The following PRRC2A variants were observed in gnomAD, a reference collection of about 807,000 sequenced individuals.
The protein encoded by PRRC2A is proline rich coiled-coil 2A.
PRRC2A carries 59 observed loss-of-function variants against 224.6 expected under a neutral mutation model. That is an observed-to-expected ratio of 0.26 (90% CI 0.21 to 0.33). The LOEUF (loss-of-function observed/expected upper bound fraction) is 0.33, where lower values mean the gene tolerates loss of function less well. PRRC2A is among the 10% of genes least tolerant of loss of function. The pLI is 1.00. For synonymous variants in PRRC2A, 1,194 were observed against 1,109.5 expected, an observed-to-expected ratio of 1.08 and a Z score of -1.51; for missense variants, 3,095 against 2,880.7, an observed-to-expected ratio of 1.07 and a Z score of -1.70.
rs1454788897 is a variant in PRRC2A at position 31,631,360 on chromosome 6, C to A, written c.2687C>A (p.Pro896Gln). ...PKEETAQLTGPEAGRKPARGV... is the reference protein window; with the variant it reads ...PKEETAQLTGQEAGRKPARGV... Reference sequence around the variant, plus strand: ...GAGGAGACTGCACAGCTGACGGGGCCAGAAGCAGGCCGAAAGCCTGCCCGC... The same window carrying A: ...GAGGAGACTGCACAGCTGACGGGGCAAGAAGCAGGCCGAAAGCCTGCCCGC... Residue 896 changes from proline to glutamine, a missense_variant, in exon 16 of 31, where the codon CCA becomes CAA. This residue lies in a region of PRRC2A where 2,001 missense variants were observed against 1,764.9 expected (regional missense o/e 1.13). Coordinates refer to ENST00000376033, the MANE Select transcript of PRRC2A (RefSeq NM_004638.4). This position sits in a 1 kb window ranked among gnomAD's most constrained non-coding sequence, Gnocchi z 4.5. 6.2e-7 allele frequency: 1 copy of A among 1,602,604 alleles called. No individual in the cohort carries two copies. Among genetic ancestry groups the A allele is most frequent in the Non-Finnish European group, 8.5e-7 (1 of 1,175,896 alleles).
rs775109754 is a variant in PRRC2A, at chr6:31,636,224, C to T, written c.5640C>T (p.Tyr1880=). ...SLHPYRSQPL[Y]LPPGPAPPSA... is the part of the protein sequence containing the mutation. ...TTATTTTCAGATCACAGCCCCTATACCTACCCCCCGGCCCAGCCCCTCCCT... is the reference window on the plus strand; with the variant it reads ...TTATTTTCAGATCACAGCCCCTATATCTACCCCCCGGCCCAGCCCCTCCCT... The change falls in exon 26 of 31, where the codon TAC becomes TAT. Residue 1880 remains tyrosine, a synonymous_variant. Coordinates refer to ENST00000376033, the MANE Select transcript of PRRC2A (RefSeq NM_004638.4). This position sits in a 1 kb window ranked among gnomAD's most constrained non-coding sequence, Gnocchi z 4.3. 1.9e-6 allele frequency: 3 copies of T among 1,612,724 alleles called. No homozygotes were observed. In the South Asian group the frequency reaches 3.3e-5, roughly 18 times the overall value.
At position 31,621,085 on chromosome 6, in the gene PRRC2A, C is replaced by T. The variant is rs768917513; in HGVS notation, c.-101+227C>T. The stretch of plus-strand genomic sequence containing the variant: ...TTCATTCAGGATCCGTAGTCTGCCC[C>T]TAACCACCCACCGTCTTGGCTTCAG... On this transcript the variant is annotated intron_variant, in intron 1 of 30. Coordinates refer to ENST00000376033, the MANE Select transcript of PRRC2A (RefSeq NM_004638.4). Among the ~76,000 whole-genome samples the T allele has an allele frequency of 6.6e-5, 10 of 152,348 alleles. No homozygotes were observed. The South Asian group carries it at 1.2e-3, about 19-fold the overall frequency.
Position 31,627,185 on chromosome 6 carries a change from C to T in PRRC2A, c.1277C>T (p.Pro426Leu), listed in dbSNP as rs751627583. 9.3e-6 allele frequency: 15 copies of T among 1,605,380 alleles called. No homozygotes were observed. The highest frequency in any genetic ancestry group is 7.7e-6 in the Non-Finnish European group (9 of 1,173,232). Residue 426 changes from proline to leucine, a missense_variant, in exon 11 of 31, where the codon CCT (proline) becomes CTT (leucine). Physicochemically the swap from Pro to Leu is moderately conservative, Grantham distance 98. Transcript: ENST00000376033. The surrounding 1 kb of genome is among the most constrained non-coding windows in gnomAD (Gnocchi z 5.6). The stretch of plus-strand genomic sequence containing the variant: ...GGCCCCGCCGGGAACTGGGGCCCCC[C>T]TGGGGACTACCCAGTGAGTGTCTCC... ...HRGPAGNWGP[P>L]GDYPDRGGPP...
Position 31,633,915 on chromosome 6 carries a change from G to T in PRRC2A, c.4645G>T (p.Asp1549Tyr). ...GAGAGGGGTGGGTGGGACTCCTCGG[G>T]ACTCTGCCGGGGTTAGTCCCTTTCC... ...MVRGVGGTPR[D>Y]SAGVSPFPPK... The change falls in exon 18 of 31, where the codon GAC becomes TAC. Residue 1549 changes from aspartate (D) to tyrosine (Y), a missense_variant. This residue lies in a region of PRRC2A where 2,001 missense variants were observed against 1,764.9 expected (regional missense o/e 1.13). Coordinates refer to ENST00000376033, the MANE Select transcript of PRRC2A (RefSeq NM_004638.4). 6.3e-7 allele frequency: 1 copy of T among 1,585,822 alleles called. No homozygotes were observed. The highest frequency in any genetic ancestry group is 8.5e-7 in the Non-Finnish European group (1 of 1,173,320).
Position 31,622,831 on chromosome 6 carries a change from A to G in PRRC2A, c.42A>G (p.Gly14=), listed in dbSNP as rs1775446581. 4 of 1,614,022 alleles carry G rather than the reference A, an allele frequency of 2.5e-6. No homozygotes were observed. The highest frequency in any genetic ancestry group is 3.4e-6 in the Non-Finnish European group (4 of 1,180,000). Residue 14 remains glycine, a synonymous_variant, in exon 2 of 31, where the codon GGA becomes GGG. Transcript: ENST00000376033. ...RSGPTAKGKD[G]KKYSSLNLFD... Reference sequence around the variant, plus strand: ...GGCCGACTGCCAAGGGAAAGGATGGAAAGAAGTATTCCTCGCTCAACCTGT... The same window carrying G: ...GGCCGACTGCCAAGGGAAAGGATGGGAAGAAGTATTCCTCGCTCAACCTGT...
At chr6:31,626,701 A>G in intron 9 of PRRC2A, 71 bp from the exon 10 acceptor site, 2 of 1,353,030 alleles carry the variant, frequency 1.5e-6, no homozygotes, top group South Asian at 1.3e-5. Context: ...ATCTTGTTAC[A>G]TAGTTCCAGA....
Position 31,636,337 on chromosome 6 carries a change from G to A in PRRC2A, c.5753G>A (p.Gly1918Glu). ...ACAGAGCTGGGGAAGTTGCCGGCTG[G>A]AGGAGTTCTCTACCCTCCACCTTCC... ...QATELGKLPA[G>E]GVLYPPPSFL... is the part of the protein sequence containing the mutation. Residue 1918 changes from glycine (G) to glutamate (E), a missense_variant, in exon 26 of 31, where the codon GGA (glycine) becomes GAA (glutamate). By Grantham distance (98) the Gly-to-Glu change is moderately conservative. Around this residue, in one of 8 missense-constraint regions of PRRC2A, gnomAD observed 662 missense variants for 609.5 expected, o/e 1.09. Transcript: ENST00000376033. This position sits in a 1 kb window ranked among gnomAD's most constrained non-coding sequence, Gnocchi z 4.3. 1.2e-6 allele frequency: 2 copies of A among 1,612,988 alleles called. No individual in the cohort carries two copies. Among genetic ancestry groups the A allele is most frequent in the Non-Finnish European group, 1.7e-6 (2 of 1,180,008 alleles).
Position 31,635,960 on chromosome 6 carries a change from C to T in PRRC2A, c.5542-7C>T. The T allele has an allele frequency of 6.2e-7, 1 of 1,606,664 alleles. No homozygotes were observed. The highest frequency in any genetic ancestry group is 8.5e-7 in the Non-Finnish European group (1 of 1,174,542). ...AAAGCTGTTTCAACCGTGCTCCTCT[C>T]CTGCAGATCTCTGGGGGAGCCATGG... is the stretch of plus-strand genomic sequence containing the variant. On this transcript the variant is annotated splice_region_variant and splice_polypyrimidine_tract_variant and intron_variant, in intron 24 of 30. Transcript: ENST00000376033.
rs1352858241 is a variant in PRRC2A at position 31,628,228 on chromosome 6, A to G, written c.1754A>G (p.Glu585Gly). ...AGTAGCACCAGCAGTGGCAGCTTCGAAGCCAGCCCAGGTATGGAGATGGGG... is the reference window on the plus strand; with the variant it reads ...AGTAGCACCAGCAGTGGCAGCTTCGGAGCCAGCCCAGGTATGGAGATGGGG... Reference protein sequence around the residue: ...STSSTSSGSFEASPVEPQLPS... With the variant: ...STSSTSSGSFGASPVEPQLPS... The change falls in exon 12 of 31, where the codon GAA becomes GGA. Residue 585 changes from glutamate (E) to glycine (G), a missense_variant. By Grantham distance (98) the Glu-to-Gly change is moderately conservative. Coordinates refer to ENST00000376033, the MANE Select transcript of PRRC2A (RefSeq NM_004638.4). 3 of 1,610,304 alleles carry G rather than the reference A, an allele frequency of 1.9e-6. No homozygotes were observed. In the East Asian group the frequency reaches 6.7e-5, roughly 36 times the overall value.
At position 31,629,269 on chromosome 6, in the gene PRRC2A, A is replaced by C; in HGVS notation, c.1891A>C (p.Ser631Arg). 1 of 1,608,102 alleles carries C rather than the reference A, an allele frequency of 6.2e-7. No homozygotes were observed. The highest frequency in any genetic ancestry group is 1.3e-5 in the African/African-American group (1 of 74,796). ...DGIGPTRQPPSQGLGYPKYQK... is the reference protein window; with the variant it reads ...DGIGPTRQPPRQGLGYPKYQK... ...GATTGGTCCCACCCGCCAGCCCCCT[A>C]GTCAGGGCTTGGGCTACCCCAAATA... is the stretch of plus-strand genomic sequence containing the variant. Residue 631 changes from serine to arginine, a missense_variant, in exon 13 of 31, where the codon AGT becomes CGT. By Grantham distance (110) the Ser-to-Arg change is moderately radical (BLOSUM62 -1). Coordinates refer to ENST00000376033, the MANE Select transcript of PRRC2A (RefSeq NM_004638.4).
intron 12 of PRRC2A, chr6:31,628,845 A>C (rs1776209583): frequency 5.3e-6 from 2 of 377,684 alleles, no homozygotes; most frequent in Non-Finnish European, 9.5e-6. Context: ...TGTCTCAAAA[A>C]AAAATCCTGT....
Position 31,636,492 on chromosome 6 carries a change from C to T in PRRC2A, c.5836-18C>T. The stretch of plus-strand genomic sequence containing the variant: ...TGATTTTGTGGGGGTTGATATATTT[C>T]TCCCTGTTTCCCGACAGGTACGCCA... On this transcript the variant is annotated intron_variant, in intron 26 of 30. Transcript: ENST00000376033. The surrounding 1 kb of genome is among the most constrained non-coding windows in gnomAD (Gnocchi z 4.3). 3 of 1,608,848 alleles carry T rather than the reference C, an allele frequency of 1.9e-6. No individual in the cohort carries two copies. The highest frequency in any genetic ancestry group is 1.3e-5 in the African/African-American group (1 of 74,758).
In PRRC2A at chr6:31,625,366, G is replaced by A. The variant is rs1463120233; in HGVS notation, c.607+52G>A. 1 of 1,614,064 alleles carries A rather than the reference G, an allele frequency of 6.2e-7. No homozygotes were observed. The highest frequency in any genetic ancestry group is 8.5e-7 in the Non-Finnish European group (1 of 1,179,904). The stretch of plus-strand genomic sequence containing the variant: ...ATTACCTATTGCATCTCAGAGCTAG[G>A]TGCTGGCTTATTCACCTTCCTCCCC... On this transcript the variant is annotated intron_variant, in intron 6 of 30. Transcript: ENST00000376033. This position sits in a 1 kb window ranked among gnomAD's most constrained non-coding sequence, Gnocchi z 4.1.
At position 31,626,877 on chromosome 6, in the gene PRRC2A, T is replaced by A; in HGVS notation, c.1073+15T>A. The A allele has an allele frequency of 6.2e-7, 1 of 1,612,202 alleles. No homozygotes were observed. The highest frequency in any genetic ancestry group is 8.5e-7 in the Non-Finnish European group (1 of 1,179,210). The stretch of plus-strand genomic sequence containing the variant: ...GCTGAGGGCCAGTGAGTTAGGGCCA[T>A]CAGGGGAGAAGAGGAGGGGGTCTTG... On this transcript the variant is annotated intron_variant, in intron 10 of 30. Coordinates refer to ENST00000376033, the MANE Select transcript of PRRC2A (RefSeq NM_004638.4).
In PRRC2A at chr6:31,631,882, CA is replaced by C. The variant is rs776263875; in HGVS notation, c.3210del (p.Gly1072AspfsTer138). 1.2e-6 allele frequency: 2 copies of C among 1,610,908 alleles called. No homozygotes were observed. The highest frequency in any genetic ancestry group is 8.5e-7 in the Non-Finnish European group (1 of 1,179,192). On this transcript the variant is annotated frameshift_variant, in exon 16 of 31. Transcript: ENST00000376033. LOFTEE classifies it high-confidence loss of function. The surrounding 1 kb of genome is among the most constrained non-coding windows in gnomAD (Gnocchi z 4.5). ...GGAGATGATGGGCGTGGAGGTGGGA[CA>C]GGGGGACCAAACCACCCTCCTGCTC... Reference protein sequence around the residue: ...FRGDDGRGGGTGGPNHPPAPR... With the variant: ...FRGDDGRGGGXGGPNHPPAPR...
In PRRC2A at chr6:31,629,664, A is replaced by G; in HGVS notation, c.2073A>G (p.Pro691=). ...PPQPVTLGAV[P]APQAPPPPPK... ...AGCCTGTGACCCTGGGGGCTGTGCCAGCTCCACAGGCTCCACCCCCGCCCC... is the reference window on the plus strand; with the variant it reads ...AGCCTGTGACCCTGGGGGCTGTGCCGGCTCCACAGGCTCCACCCCCGCCCC... The change falls in exon 14 of 31, where the codon CCA becomes CCG. Residue 691 remains proline, a synonymous_variant. Transcript: ENST00000376033. 1 of 1,607,604 alleles carries G rather than the reference A, an allele frequency of 6.2e-7. No homozygotes were observed. The highest frequency in any genetic ancestry group is 1.7e-5 in the Admixed American group (1 of 59,704).
chr6:31,636,138 A>T lies in PRRC2A; in HGVS notation c.5625-71A>T. ...GAAGACACAGTTCTAGGGTACTAGA[A>T]GCTAGTGGACTTAAGGCATTGCTAG... On this transcript the variant is annotated intron_variant, in intron 25 of 30. Transcript: ENST00000376033. The surrounding 1 kb of genome is among the most constrained non-coding windows in gnomAD (Gnocchi z 4.3). 6.4e-7 allele frequency: 1 copy of T among 1,563,994 alleles called. No individual in the cohort carries two copies. Among genetic ancestry groups the T allele is most frequent in the Non-Finnish European group, 8.8e-7 (1 of 1,134,946 alleles).
chr6:31,631,544 A>T lies in PRRC2A; in HGVS notation c.2871A>T (p.Pro957=). 6.3e-7 allele frequency: 1 copy of T among 1,593,320 alleles called. No individual in the cohort carries two copies. The highest frequency in any genetic ancestry group is 1.1e-5 in the South Asian group (1 of 88,560). Residue 957 remains proline, a synonymous_variant, in exon 16 of 31, where the codon CCA becomes CCT. Transcript: ENST00000376033. This position sits in a 1 kb window ranked among gnomAD's most constrained non-coding sequence, Gnocchi z 4.5. ...RRAGPIKKPP[P]PTKVEELPPK... ...CTGGGCCTATAAAGAAACCTCCACC[A>T]CCTACAAAAGTAGAAGAGCTGCCTC...
Position 31,628,169 on chromosome 6 carries a change from G to C in PRRC2A, c.1695G>C (p.Ala565=). ...AQSTPTPGVA[A]APTLVSGGGS... ...CTACTCCTACTCCAGGTGTGGCTGC[G>C]GCTCCCACTCTGGTGAGTGGTGGTG... Residue 565 remains alanine (A), a synonymous_variant, in exon 12 of 31, where the codon GCG becomes GCC. Transcript: ENST00000376033. 6.2e-7 allele frequency: 1 copy of C among 1,613,048 alleles called. No individual in the cohort carries two copies. The highest frequency in any genetic ancestry group is 8.5e-7 in the Non-Finnish European group (1 of 1,180,022).
Sources: allele counts gnomAD v4.1 joint callset (sites outside exome capture counted in the v4.1 genomes callset), GRCh38; gene constraint gnomAD v4.1.1; regional missense constraint gnomAD v4.1.1; non-coding constraint Gnocchi (gnomAD v3.1); transcripts MANE v1.5; gene names NCBI Gene and HGNC (gene_info 2026-07-23, HGNC 2026-07-21).